Variants in ZNF385B observed in about 807,000 individuals in gnomAD.
The protein encoded by ZNF385B is zinc finger protein 533.
ZNF385B carries 23 observed loss-of-function variants against 39.2 expected under a neutral mutation model. The observed-to-expected ratio is 0.59, with a 90% CI of 0.42 to 0.83. The LOEUF (loss-of-function observed/expected upper bound fraction) is 0.83. Among genes scored for constraint, ZNF385B ranks in the 40% least tolerant of loss-of-function variants. The pLI, the probability that ZNF385B is intolerant of heterozygous loss-of-function variation, is 0.00. For missense variants in ZNF385B, 552 were observed against 598.9 expected, an observed-to-expected ratio of 0.92 and a Z score of 0.82; for synonymous variants, 205 against 222.6, an observed-to-expected ratio of 0.92 and a Z score of 0.70.
intron 3 of ZNF385B, among the ~76,000 whole-genome samples, chr2:179,678,977 T>C (rs1254784436): frequency 1.3e-5 from 2 of 152,218 alleles, no homozygotes; most frequent in Non-Finnish European, 2.9e-5. Flanking sequence ...CAAATTATAA[T>C]TTCCTTAAGG....
chr2:179,724,398 C>T (rs1700876547), intron 3 of ZNF385B, among the ~76,000 whole-genome samples: 1 of 152,100 alleles, frequency 6.6e-6, no homozygotes, highest in Non-Finnish European at 1.5e-5. Flanking sequence ...AGAACGAAAT[C>T]TACAGTATTG....
chr2:179,616,676 C>T (rs1272887514), intron 3 of ZNF385B, among the ~76,000 whole-genome samples: 1 of 152,174 alleles, frequency 6.6e-6, no homozygotes, highest in Non-Finnish European at 1.5e-5. Context: ...CTTCTCACCT[C>T]AGCCTCCTGA....
rs993214430 is a variant in ZNF385B, at chr2:179,745,647, A to T, written c.298+23856T>A. 5.0e-6 allele frequency: 7 copies of T among 1,398,540 alleles called. No individual in the cohort carries two copies. In the African/African-American group the frequency reaches 1.0e-4, roughly 20 times the overall value. 86.6% of individuals were successfully genotyped at this position (1,398,540 alleles called of 1,614,324 possible). On this transcript the variant is annotated intron_variant, in intron 3 of 9. Coordinates refer to ENST00000410066, the MANE Select transcript of ZNF385B (RefSeq NM_152520.6). ...AGGACTCCACAGGATTCAGCATAAC[A>T]TACAAAAGAATCTGTTACTGACATC...
chr2:179,481,302 T>A (rs1480021839), intron 6 of ZNF385B: 1 of 152,174 alleles, frequency 6.6e-6, no homozygotes, highest in Non-Finnish European at 1.5e-5. Flanking sequence ...GTATAAGGCA[T>A]GCTGTAACTA....
intron 3 of ZNF385B, among the ~76,000 whole-genome samples, chr2:179,696,325 A>AATTTTTTTT (rs1333224792): frequency 4.1e-4 from 4 of 9,838 alleles, no homozygotes; most frequent in Middle Eastern, 0.12. Context: ...ACAAACTGGG[A>AATTTTTTTT]CTTTTTTTTT....
chr2:179,771,908 C>G (rs181774171), intron 1 of ZNF385B, among the ~76,000 whole-genome samples: 132 of 152,262 alleles, frequency 8.7e-4, no homozygotes, highest in Middle Eastern at 6.8e-3. Flanking sequence ...CAGGCACCAT[C>G]GTACTCAATC....
intron 5 of ZNF385B, among the ~76,000 whole-genome samples, chr2:179,487,424 T>A (rs2054698156): frequency 6.6e-6 from 1 of 152,234 alleles, no homozygotes; most frequent in Non-Finnish European, 1.5e-5. Context: ...CACTTTGCTA[T>A]CCCTAGTACT....
At chr2:179,652,097 A>G (rs1476950882) in intron 3 of ZNF385B, among the ~76,000 whole-genome samples, 1 of 152,190 alleles carries the variant, frequency 6.6e-6, no homozygotes, top group East Asian at 1.9e-4. Context: ...GTCTAGACAA[A>G]GCATTTTAAG....
At chr2:179,545,981 A>G (rs960780241) in intron 3 of ZNF385B, among the ~76,000 whole-genome samples, 13 of 152,126 alleles carry the variant, frequency 8.5e-5, no homozygotes, top group Non-Finnish European at 1.6e-4. Flanking sequence ...GCTATCAAAT[A>G]CTAGATCTTA....
At chr2:179,794,604 C>T (rs1039550960) in intron 1 of ZNF385B, among the ~76,000 whole-genome samples, 27 of 152,164 alleles carry the variant, frequency 1.8e-4, no homozygotes, top group Admixed American at 1.3e-3. Context: ...TTGATTCTTA[C>T]GATTTCTCTA....
intron 1 of ZNF385B, among the ~76,000 whole-genome samples, chr2:179,804,704 A>G (rs946277300): frequency 1.3e-5 from 2 of 152,228 alleles, no homozygotes; most frequent in African/African-American, 4.8e-5. Flanking sequence ...TGCTGGGCAC[A>G]CAGTGAGCAC....
At chr2:179,454,176 G>C (rs1343761988) in intron 6 of ZNF385B, among the ~76,000 whole-genome samples, 1 of 152,204 alleles carries the variant, frequency 6.6e-6, no homozygotes, top group Non-Finnish European at 1.5e-5. Context: ...ATTCAACAGA[G>C]TGTACAGTCA....
At chr2:179,454,450 T>C (rs2050474915) in intron 6 of ZNF385B, among the ~76,000 whole-genome samples, 1 of 152,228 alleles carries the variant, frequency 6.6e-6, no homozygotes, top group Non-Finnish European at 1.5e-5. Flanking sequence ...TACTAGTTTA[T>C]ATATTTACTA....
At chr2:179,705,760 G>T (rs370206988) in intron 3 of ZNF385B, among the ~76,000 whole-genome samples, 12 of 152,322 alleles carry the variant, frequency 7.9e-5, no homozygotes, top group African/African-American at 2.9e-4. Flanking sequence ...CCAACCTATT[G>T]TTGCAACTAC....
chr2:179,503,713 T>G (rs989067457), intron 5 of ZNF385B, among the ~76,000 whole-genome samples: 2 of 151,854 alleles, frequency 1.3e-5, no homozygotes, highest in Non-Finnish European at 2.9e-5. Context: ...CACCTATGAG[T>G]GAGAACATGC....
chr2:179,750,086 T>A (rs574785813), intron 3 of ZNF385B, among the ~76,000 whole-genome samples: 1 of 152,148 alleles, frequency 6.6e-6, no homozygotes, highest in Non-Finnish European at 1.5e-5. Context: ...TTTAACCACA[T>A]GTACAGAATA....
intron 5 of ZNF385B, among the ~76,000 whole-genome samples, chr2:179,516,831 T>C (rs1169581705): frequency 1.3e-5 from 2 of 152,070 alleles, no homozygotes; most frequent in African/African-American, 4.8e-5. Flanking sequence ...CAAAGCCAAA[T>C]AGATTTTCTA....
chr2:179,718,486 T>C (rs1361423614), intron 3 of ZNF385B, among the ~76,000 whole-genome samples: 1 of 147,972 alleles, frequency 6.8e-6, no homozygotes, highest in Non-Finnish European at 1.5e-5. Flanking sequence ...TATATATCTT[T>C]ATATATTATA....
intron 5 of ZNF385B, among the ~76,000 whole-genome samples, chr2:179,493,538 TATAC>T (rs1260329880): frequency 6.6e-6 from 1 of 150,944 alleles, no homozygotes; most frequent in South Asian, 2.1e-4. Flanking sequence ...CATATATGCG[TATAC>T]ATACGTGTAC....
Sources: gnomAD v4.1 joint callset for allele counts (sites outside exome capture counted in the v4.1 genomes callset) on GRCh38, gnomAD v4.1.1 for gene constraint, MANE v1.5 for transcripts, NCBI Gene and HGNC (gene_info 2026-07-23, HGNC 2026-07-21) for gene names.